Variants in CNTN5 observed in about 807,000 individuals in gnomAD.
CNTN5 encodes contactin 5.
In CNTN5, 77 loss-of-function variants were observed where a neutral mutation model predicts 129.1. The ratio of observed to expected loss-of-function variants is 0.60; its 90% CI spans 0.50 to 0.72. The LOEUF is 0.72. Ranked by LOEUF, CNTN5 falls within the 30% of genes least tolerant of loss-of-function variation. The pLI is 0.00. For synonymous variants in CNTN5, 509 were observed against 465.6 expected (o/e 1.09, Z -1.20); for missense variants, 1,478 against 1,328.8 (o/e 1.11, Z -1.75).
At chr11:99,460,245 AT>A (rs2135229895) in intron 2 of CNTN5, among the ~76,000 whole-genome samples, 1 of 151,688 alleles carries the variant, frequency 6.6e-6, no homozygotes, top group African/African-American at 2.4e-5. Context: ...TTAAATAGAA[AT>A]TTTTAAAGAA....
intron 13 of CNTN5, among the ~76,000 whole-genome samples, chr11:100,185,956 C>A (rs1948289527): frequency 6.6e-6 from 1 of 152,172 alleles, no homozygotes; most frequent in African/African-American, 2.4e-5. Context: ...AATCAAAGAT[C>A]ACTAAATAAT....
At chr11:99,072,101 A>G (rs554859075) in intron 1 of CNTN5, among the ~76,000 whole-genome samples, 1 of 152,242 alleles carries the variant, frequency 6.6e-6, no homozygotes, top group East Asian at 1.9e-4. Context: ...GAACAATGGC[A>G]GAACTACTCA....
At chr11:99,197,146 C>A (rs1858942435) in intron 1 of CNTN5, among the ~76,000 whole-genome samples, 1 of 151,868 alleles carries the variant, frequency 6.6e-6, no homozygotes, top group Non-Finnish European at 1.5e-5. Context: ...ACAAATTGGA[C>A]ACATACAACA....
intron 6 of CNTN5, among the ~76,000 whole-genome samples, chr11:99,909,967 TA>T (rs77199469): frequency 6.6e-6 from 1 of 151,918 alleles, no homozygotes; most frequent in East Asian, 1.9e-4. Context: ...ATAATAATAA[TA>T]AAAAAAGAAT....
intron 3 of CNTN5, among the ~76,000 whole-genome samples, chr11:99,573,662 G>A (rs993243136): frequency 1.3e-5 from 2 of 151,836 alleles, no homozygotes; most frequent in Admixed American, 6.5e-5. Context: ...ACGGAGTCTC[G>A]CTCTATTGCC....
chr11:99,591,098 G>T (rs917357350), intron 3 of CNTN5, among the ~76,000 whole-genome samples: 19 of 152,166 alleles, frequency 1.2e-4, no homozygotes, highest in African/African-American at 4.6e-4. Context: ...ACATCTCCAC[G>T]TTGGCCCAGG....
intron 4 of CNTN5, among the ~76,000 whole-genome samples, chr11:99,820,706 A>T (rs1317261681): frequency 1.3e-5 from 2 of 152,096 alleles, no homozygotes; most frequent in Non-Finnish European, 2.9e-5. Flanking sequence ...AGAAATGAAA[A>T]CTCTGGGACA....
intron 13 of CNTN5, among the ~76,000 whole-genome samples, chr11:100,116,420 T>C (rs1468677084): frequency 6.6e-6 from 1 of 151,754 alleles, no homozygotes; most frequent in African/African-American, 2.4e-5. Flanking sequence ...ATAAAAAAAA[T>C]TTGGTGATTA....
In CNTN5 at chr11:99,937,832, G is replaced by C. The variant is rs192021953; in HGVS notation, c.674-18974G>C. Among the ~76,000 whole-genome samples the C allele has an allele frequency of 3.2e-3, 485 of 152,268 alleles. 5 individuals are homozygous for C. The highest frequency in any genetic ancestry group is 0.011 in the African/African-American group (460 of 41,562). On this transcript the variant is annotated intron_variant, in intron 7 of 24. Transcript: ENST00000524871. Reference sequence around the variant, plus strand: ...TAAATGTTACAGTGCTTCAGCCTGAGGTTTAACTGATAGAATGCCTTGATC... The same window carrying C: ...TAAATGTTACAGTGCTTCAGCCTGACGTTTAACTGATAGAATGCCTTGATC...
intron 1 of CNTN5, among the ~76,000 whole-genome samples, chr11:99,036,304 G>C (rs1351465467): frequency 6.6e-6 from 1 of 151,932 alleles, no homozygotes; most frequent in African/African-American, 2.4e-5. Context: ...CTACACATCA[G>C]ATTTTTTTTT....
intron 2 of CNTN5, among the ~76,000 whole-genome samples, chr11:99,462,353 TTC>T (rs1944735876): frequency 1.0e-5 from 1 of 100,394 alleles, no homozygotes; most frequent in Non-Finnish European, 2.1e-5. Flanking sequence ...TTTTTTTCTT[TTC>T]TTTTCTTTTT....
chr11:99,523,901 G>A (rs1452493767), intron 2 of CNTN5, among the ~76,000 whole-genome samples: 1 of 152,110 alleles, frequency 6.6e-6, no homozygotes, highest in Non-Finnish European at 1.5e-5. Flanking sequence ...TGTTAGATGA[G>A]TACAAGCAGT....
intron 3 of CNTN5, among the ~76,000 whole-genome samples, chr11:99,816,692 C>G (rs1946598566): frequency 6.6e-6 from 1 of 152,160 alleles, no homozygotes; most frequent in African/African-American, 2.4e-5. Flanking sequence ...GCACTACAGC[C>G]AGAGTGATCT....
intron 9 of CNTN5, among the ~76,000 whole-genome samples, chr11:100,047,311 G>T (rs1182192276): frequency 6.6e-6 from 1 of 152,042 alleles, no homozygotes; most frequent in Non-Finnish European, 1.5e-5. Flanking sequence ...CAGGGGTAGG[G>T]TTAATCTAGT....
rs1435064965 is a variant in CNTN5, at chr11:99,999,363, T to G, written c.878-2671T>G. 3.9e-5 allele frequency among the ~76,000 whole-genome samples: 6 copies of G among 152,048 alleles called. No individual in the cohort carries two copies. The East Asian group carries it at 9.7e-4, about 24-fold the overall frequency. ...TGGGCGAAGGACATGAACAGACACT[T>G]CTCAAAAGAAGACATTTATGCAGCC... On this transcript the variant is annotated intron_variant, in intron 8 of 24. Coordinates refer to ENST00000524871, the MANE Select transcript of CNTN5 (RefSeq NM_014361.4).
chr11:99,135,984 T>C (rs1316850608), intron 1 of CNTN5, among the ~76,000 whole-genome samples: 3 of 152,196 alleles, frequency 2.0e-5, no homozygotes, highest in African/African-American at 7.2e-5. Context: ...AATGTAATTA[T>C]GTTTTTCATT....
At chr11:99,955,888 T>C (rs972410376) in intron 7 of CNTN5, among the ~76,000 whole-genome samples, 1 of 152,216 alleles carries the variant, frequency 6.6e-6, no homozygotes, top group African/African-American at 2.4e-5. Flanking sequence ...TAATAATAAA[T>C]ATTAGCGAAA....
chr11:99,039,543 C>T (rs1488675289), intron 1 of CNTN5, among the ~76,000 whole-genome samples: 1 of 152,026 alleles, frequency 6.6e-6, no homozygotes, highest in African/African-American at 2.4e-5. Flanking sequence ...CAAGACTTCC[C>T]CTTGAGATGA....
At chr11:99,832,247 A>T (rs537896437) in intron 4 of CNTN5, among the ~76,000 whole-genome samples, 1 of 152,308 alleles carries the variant, frequency 6.6e-6, no homozygotes, top group African/African-American at 2.4e-5. Flanking sequence ...AATGATATAT[A>T]ACATAACCAC....
Sources: allele counts gnomAD v4.1 joint callset (sites outside exome capture counted in the v4.1 genomes callset), GRCh38; gene constraint gnomAD v4.1.1; transcripts MANE v1.5; gene names NCBI Gene and HGNC (gene_info 2026-07-23, HGNC 2026-07-21).